Variants in PRKCE observed in about 807,000 individuals in gnomAD.
PRKCE encodes the protein protein kinase C epsilon type.
In PRKCE, 16 loss-of-function variants were observed where a neutral mutation model predicts 85.4. That is an observed-to-expected ratio of 0.19 (90% CI 0.13 to 0.28). The LOEUF is 0.28. Ranked by LOEUF, PRKCE falls within the 10% of genes least tolerant of loss-of-function variation. PRKCE has a pLI of 1.00. For missense variants in PRKCE, 573 were observed against 975.2 expected (o/e 0.59, Z 5.49); for synonymous variants, 388 against 371.5 (o/e 1.04, Z -0.51).
intron 13 of PRKCE, among the ~76,000 whole-genome samples, chr2:46,158,986 T>C (rs1412328173): frequency 6.6e-6 from 1 of 152,230 alleles, no homozygotes. Flanking sequence ...GAATAAGCCT[T>C]TCTTTTTCTT....
chr2:45,856,582 C>G (rs1394776978), intron 2 of PRKCE, among the ~76,000 whole-genome samples: 1 of 152,170 alleles, frequency 6.6e-6, no homozygotes, highest in Non-Finnish European at 1.5e-5. Flanking sequence ...TTCTAGCTCT[C>G]TTGATATATA....
intron 2 of PRKCE, among the ~76,000 whole-genome samples, chr2:45,868,400 A>G (rs899047103): frequency 6.6e-6 from 1 of 150,430 alleles, no homozygotes; most frequent in Admixed American, 6.6e-5. Context: ...GATTAAATGA[A>G]TGTACACTAA....
chr2:45,924,298 T>C (rs535837058), intron 2 of PRKCE, among the ~76,000 whole-genome samples: 3 of 152,332 alleles, frequency 2.0e-5, no homozygotes, highest in South Asian at 4.1e-4. Flanking sequence ...ATAACAAATA[T>C]GTCCACTGCC....
intron 2 of PRKCE, among the ~76,000 whole-genome samples, chr2:45,849,997 A>G (rs1573601683): frequency 6.6e-6 from 1 of 152,354 alleles, no homozygotes; most frequent in Non-Finnish European, 1.5e-5. Flanking sequence ...ACAAAGAGAC[A>G]TCGCTAAGAT....
rs977829249 is a variant in PRKCE at position 45,794,848 on chromosome 2, C to G, written c.349-48152C>G. On this transcript the variant is annotated intron_variant, in intron 1 of 14. Transcript: ENST00000306156. The stretch of plus-strand genomic sequence containing the variant: ...GGGGAGGGACAATTATTGCCCTACC[C>G]CCCCCCCCATCCACCATTTCTTTTT... Among the ~76,000 whole-genome samples, 74 of 144,042 alleles carry G rather than the reference C, an allele frequency of 5.1e-4. 1 individual carries two copies. Among genetic ancestry groups the G allele is most frequent in the Non-Finnish European group, 9.0e-4 (59 of 65,840 alleles). 94.5% of individuals were successfully genotyped at this position (144,042 alleles called of 152,430 possible). A position where few individuals can be genotyped will look rare whatever the true frequency, so the allele number is the denominator to read the frequency against.
intron 1 of PRKCE, among the ~76,000 whole-genome samples, chr2:45,779,647 C>T (rs1686031526): frequency 6.6e-6 from 1 of 151,094 alleles, no homozygotes; most frequent in African/African-American, 2.4e-5. Context: ...GGCCTATTCT[C>T]CCCCAGAAAA....
At chr2:45,825,324 C>G (rs780358773) in intron 1 of PRKCE, among the ~76,000 whole-genome samples, 23 of 152,208 alleles carry the variant, frequency 1.5e-4, no homozygotes, top group Admixed American at 8.5e-4. Flanking sequence ...CTTGGGGGGG[C>G]CCTGCTGCAG....
intron 3 of PRKCE, chr2:45,978,713 C>A: frequency 2.4e-6 from 1 of 412,572 alleles, no homozygotes; most frequent in Non-Finnish European, 4.4e-6. Context: ...TTGCTGACCA[C>A]ACAGGAATGG....
chr2:45,663,935 G>T (rs1675797726), intron 1 of PRKCE, among the ~76,000 whole-genome samples: 1 of 152,100 alleles, frequency 6.6e-6, no homozygotes, highest in Admixed American at 6.5e-5. Context: ...CAAAGAACGG[G>T]AACAGTAGCT....
intron 1 of PRKCE, among the ~76,000 whole-genome samples, chr2:45,752,408 C>A (rs1683647053): frequency 6.6e-6 from 1 of 152,156 alleles, no homozygotes; most frequent in South Asian, 2.1e-4. Context: ...TTGCCTTCCT[C>A]CCTCCTACAT....
chr2:46,147,840 C>T (rs1676234731), intron 12 of PRKCE, among the ~76,000 whole-genome samples: 1 of 152,164 alleles, frequency 6.6e-6, no homozygotes, highest in African/African-American at 2.4e-5. Flanking sequence ...CAGATTTGAC[C>T]ACAAATGTAC....
intron 2 of PRKCE, among the ~76,000 whole-genome samples, chr2:45,913,458 C>T (rs7596808): frequency 0.011 from 1,610 of 152,296 alleles, 31 homozygotes; most frequent in African/African-American, 0.036. Flanking sequence ...CCAGCAAGAG[C>T]GCTTGGCTCC....
At chr2:46,021,237 G>T (rs1706631978) in intron 10 of PRKCE, among the ~76,000 whole-genome samples, 1 of 152,178 alleles carries the variant, frequency 6.6e-6, no homozygotes, top group African/African-American at 2.4e-5. Context: ...TTGTGAGGAG[G>T]TACTGGCTAA....
intron 6 of PRKCE, among the ~76,000 whole-genome samples, chr2:45,986,801 G>A (rs13001570): frequency 6.6e-6 from 1 of 151,838 alleles, no homozygotes; most frequent in Admixed American, 6.5e-5. Flanking sequence ...GGAGGTGGGG[G>A]CGGAGCCATT....
At chr2:45,933,586 G>A (rs1387895778) in intron 2 of PRKCE, among the ~76,000 whole-genome samples, 1 of 145,390 alleles carries the variant, frequency 6.9e-6, no homozygotes, top group Non-Finnish European at 1.5e-5. Context: ...CCATTCTCCT[G>A]CCTCAGCCTC....
chr2:45,698,437 G>A (rs1168946686), intron 1 of PRKCE, among the ~76,000 whole-genome samples: 4 of 152,070 alleles, frequency 2.6e-5, no homozygotes, highest in African/African-American at 9.7e-5. Context: ...CTCCCTGGGG[G>A]TTGTGGATGG....
chr2:45,951,311 G>A (rs1260895375), intron 2 of PRKCE, among the ~76,000 whole-genome samples: 1 of 152,214 alleles, frequency 6.6e-6, no homozygotes, highest in African/African-American at 2.4e-5. Context: ...GAGGAACCCA[G>A]TCCTCTGGGA....
intron 10 of PRKCE, among the ~76,000 whole-genome samples, chr2:46,061,964 G>C (rs1333993612): frequency 6.7e-6 from 1 of 148,500 alleles, no homozygotes; most frequent in Non-Finnish European, 1.5e-5. Context: ...TCGGGTTCAA[G>C]AGATCCTAGT....
chr2:45,771,719 G>A (rs1228530189), intron 1 of PRKCE, among the ~76,000 whole-genome samples: 2 of 87,394 alleles, frequency 2.3e-5, no homozygotes, highest in Non-Finnish European at 6.0e-5. Context: ...GTGTGTGTGT[G>A]TGTGTGTGTG....
Sources: allele counts gnomAD v4.1 joint callset (sites outside exome capture counted in the v4.1 genomes callset), GRCh38; gene constraint gnomAD v4.1.1; transcripts MANE v1.5; gene names NCBI Gene and HGNC (gene_info 2026-07-23, HGNC 2026-07-21).